The following KIFAP3 variants were observed in gnomAD, a reference collection of about 807,000 sequenced individuals.
The protein encoded by KIFAP3 is kinesin-associated protein 3.
KIFAP3 carries 68 observed loss-of-function variants against 106.5 expected under a neutral mutation model. The observed-to-expected ratio is 0.64, with a 90% CI of 0.53 to 0.78. The LOEUF is 0.78. Among genes scored for constraint, KIFAP3 ranks in the 30% least tolerant of loss-of-function variants. The pLI, the probability that KIFAP3 is intolerant of heterozygous loss-of-function variation, is 0.00. For synonymous variants in KIFAP3, 320 were observed against 311.5 expected (o/e 1.03, Z -0.29); for missense variants, 780 against 941.8 (o/e 0.83, Z 2.25).
chr1:169,963,926 T>TC (rs1451598205), intron 17 of KIFAP3, among the ~76,000 whole-genome samples: 1 of 151,548 alleles, frequency 6.6e-6, no homozygotes, highest in African/African-American at 2.4e-5. Context: ...AATAAACATT[T>TC]TTATTCAACT....
Position 169,983,324 on chromosome 1 carries a change from C to A in KIFAP3, c.1452G>T (p.Met484Ile). 6.2e-7 allele frequency: 1 copy of A among 1,609,504 alleles called. No individual in the cohort carries two copies. The stretch of plus-strand genomic sequence containing the variant: ...GCTGAGAAATGTTTCTAATCATTTT[C>A]ATCAGCAATGGATCCTTAAACTTCA... ...RALKFKDPLL[M>I]KMIRNISQHD... Residue 484 changes from methionine to isoleucine, a missense_variant, in exon 13 of 20, where the codon ATG becomes ATT. Physicochemically the swap from Met to Ile is conservative, Grantham distance 10. Coordinates refer to ENST00000361580, the MANE Select transcript of KIFAP3 (RefSeq NM_014970.4).
rs904450333 is a variant in KIFAP3 at position 170,002,333 on chromosome 1, T to A, written c.1184-10078A>T. 2.6e-5 allele frequency among the ~76,000 whole-genome samples: 4 copies of A among 152,188 alleles called. No homozygotes were observed. The East Asian group carries it at 5.8e-4, about 22-fold the overall frequency. On this transcript the variant is annotated intron_variant, in intron 10 of 19. Coordinates refer to ENST00000361580, the MANE Select transcript of KIFAP3 (RefSeq NM_014970.4). Reference sequence around the variant, plus strand: ...TACTCACAGAATAGAGAAACATTTATATCAATATGGAACACCTTAGAAACT... The same window carrying A: ...TACTCACAGAATAGAGAAACATTTAAATCAATATGGAACACCTTAGAAACT...
intron 18 of KIFAP3, among the ~76,000 whole-genome samples, chr1:169,955,058 A>G (rs1337477529): frequency 2.0e-5 from 3 of 152,198 alleles, no homozygotes; most frequent in African/African-American, 7.2e-5. Context: ...CAAATACGTT[A>G]GTATACTGCT....
chr1:170,039,673 T>C (rs1262906556), intron 3 of KIFAP3, among the ~76,000 whole-genome samples: 1 of 151,756 alleles, frequency 6.6e-6, no homozygotes, highest in East Asian at 1.9e-4. Flanking sequence ...AAGTACGACT[T>C]GAGTAATATA....
At chr1:169,954,376 C>T (rs991383623) in intron 18 of KIFAP3, among the ~76,000 whole-genome samples, 1 of 151,842 alleles carries the variant, frequency 6.6e-6, no homozygotes, top group Non-Finnish European at 1.5e-5. Flanking sequence ...TAGTCTCTGC[C>T]TTCAAGCAGG....
intron 6 of KIFAP3, among the ~76,000 whole-genome samples, chr1:170,035,029 T>G (rs1669611981): frequency 6.6e-6 from 1 of 151,966 alleles, no homozygotes; most frequent in Non-Finnish European, 1.5e-5. Context: ...TTAATAAGTA[T>G]CTTCTTTCTT....
At chr1:170,062,583 T>C (rs1344451987) in intron 1 of KIFAP3, among the ~76,000 whole-genome samples, 1 of 152,244 alleles carries the variant, frequency 6.6e-6, no homozygotes, top group Non-Finnish European at 1.5e-5. Flanking sequence ...ATTTTTGTCT[T>C]TGATTTATCT....
intron 17 of KIFAP3, among the ~76,000 whole-genome samples, chr1:169,966,583 T>C (rs1384993934): frequency 3.3e-5 from 5 of 151,602 alleles, no homozygotes; most frequent in Admixed American, 6.6e-5. Flanking sequence ...TTCATGATTA[T>C]AAAAGTAATA....
intron 11 of KIFAP3, among the ~76,000 whole-genome samples, chr1:169,991,874 A>C (rs980988656): frequency 3.3e-5 from 5 of 152,092 alleles, no homozygotes; most frequent in Non-Finnish European, 7.4e-5. Context: ...TAATAAAGCA[A>C]TATGTAAATA....
intron 16 of KIFAP3, among the ~76,000 whole-genome samples, chr1:169,973,290 T>A: frequency 6.8e-6 from 1 of 147,312 alleles, no homozygotes; most frequent in South Asian, 2.1e-4. Flanking sequence ...GGAATAAATT[T>A]TAAAATAAAA....
rs1025642538 is a variant in KIFAP3 at position 169,984,582 on chromosome 1, C to T, written c.1393G>A (p.Gly465Arg). Residue 465 changes from glycine (G) to arginine (R), a missense_variant and splice_region_variant, in exon 12 of 20, where the codon GGA becomes AGA. By Grantham distance (125) the Gly-to-Arg change is moderately radical (BLOSUM62 -2). Coordinates refer to ENST00000361580, the MANE Select transcript of KIFAP3 (RefSeq NM_014970.4). The part of the protein sequence containing the change: ...NKRNVQLICE[G>R]NGLKMLMKRA... ...GTTACCTACACTCAAAGGCACTGACCTTCACAGATAAGCTGTACATTTCTT... is the reference window on the plus strand; with the variant it reads ...GTTACCTACACTCAAAGGCACTGACTTTCACAGATAAGCTGTACATTTCTT... 6.4e-7 allele frequency: 1 copy of T among 1,558,624 alleles called. No individual in the cohort carries two copies. The highest frequency in any genetic ancestry group is 8.8e-7 in the Non-Finnish European group (1 of 1,134,020).
At chr1:170,049,603 C>A (rs1328434343) in intron 2 of KIFAP3, among the ~76,000 whole-genome samples, 1 of 152,192 alleles carries the variant, frequency 6.6e-6, no homozygotes, top group Non-Finnish European at 1.5e-5. Flanking sequence ...TGGCATCAGG[C>A]CAGTGCTCCC....
At chr1:170,078,645 C>A (rs1671966454), upstream of KIFAP3, among the ~76,000 whole-genome samples, 1 of 152,214 alleles carries the variant, frequency 6.6e-6, no homozygotes, top group South Asian at 2.1e-4. Flanking sequence ...CTCTTTATCT[C>A]TTAAAGACAT....
At chr1:170,038,588 C>T (rs922679214) in intron 4 of KIFAP3, among the ~76,000 whole-genome samples, 157 bp from the exon 5 acceptor site, 1 of 152,014 alleles carries the variant, frequency 6.6e-6, no homozygotes, top group African/African-American at 2.4e-5. Context: ...AATTTTAGAC[C>T]TTTAGACCTA....
intron 9 of KIFAP3, among the ~76,000 whole-genome samples, chr1:170,023,805 ATC>A (rs1668976284): frequency 6.6e-6 from 1 of 152,122 alleles, no homozygotes; most frequent in African/African-American, 2.4e-5. Context: ...GGATCATTGT[ATC>A]AACACAGTAA....
At chr1:169,950,455 C>A (rs1302716452) in intron 19 of KIFAP3, among the ~76,000 whole-genome samples, 8 of 151,536 alleles carry the variant, frequency 5.3e-5, no homozygotes, top group African/African-American at 9.8e-5. Flanking sequence ...GAAGAAGAAG[C>A]AGGGAAAGAA....
At chr1:170,048,773 T>C (rs1217287564) in intron 2 of KIFAP3, among the ~76,000 whole-genome samples, 1 of 151,948 alleles carries the variant, frequency 6.6e-6, no homozygotes. Context: ...CAAGGGAAGC[T>C]GTGAGGGACT....
rs554145598 is a variant in KIFAP3 at position 169,921,703 on chromosome 1, T to C, written c.2352A>G (p.Glu784=). Residue 784 remains glutamate (E), a synonymous_variant, in exon 20 of 20, where the codon GAA becomes GAG. Transcript: ENST00000361580. Reference sequence around the variant, plus strand: ...AAGATCCATAGCCATAGTAGTAAGGTTCATCAGGGCGGAATCCATATGCTG... The same window carrying C: ...AAGATCCATAGCCATAGTAGTAAGGCTCATCAGGGCGGAATCCATATGCTG... ...PATAYGFRPD[E]PYYYGYGS 13 of 1,613,662 alleles carry C rather than the reference T, an allele frequency of 8.1e-6. No individual in the cohort carries two copies. In the South Asian group the frequency reaches 1.1e-4, roughly 14 times the overall value.
At chr1:170,059,116 A>G (rs557263006) in intron 1 of KIFAP3, among the ~76,000 whole-genome samples, 1 of 152,290 alleles carries the variant, frequency 6.6e-6, no homozygotes, top group South Asian at 2.1e-4. Flanking sequence ...AGAACTAGAG[A>G]AGCAAAAGCA....
Sources: allele counts gnomAD v4.1 joint callset (sites outside exome capture counted in the v4.1 genomes callset), GRCh38; gene constraint gnomAD v4.1.1; transcripts MANE v1.5; gene names NCBI Gene and HGNC (gene_info 2026-07-23, HGNC 2026-07-21).